ARHGAP10: variants seen among roughly 807,000 people sequenced by gnomAD.
ARHGAP10 encodes Rho GTPase activating protein 10, also known as rho GTPase-activating protein 10.
In ARHGAP10, 87 loss-of-function variants were observed where a neutral mutation model predicts 108.6. The observed-to-expected ratio is 0.80, with a 90% CI of 0.67 to 0.96. The LOEUF (loss-of-function observed/expected upper bound fraction) is 0.96, where lower values mean the gene tolerates loss of function less well. Ranked by LOEUF, ARHGAP10 falls within the 40% of genes least tolerant of loss-of-function variation. ARHGAP10 has a pLI of 0.00. For synonymous variants in ARHGAP10, 347 were observed against 341.1 expected (o/e 1.02, Z -0.19); for missense variants, 939 against 954.5 (o/e 0.98, Z 0.21).
chr4:147,944,729 T>G (rs908444066), intron 14 of ARHGAP10, among the ~76,000 whole-genome samples: 1 of 152,172 alleles, frequency 6.6e-6, no homozygotes, highest in Non-Finnish European at 1.5e-5. Flanking sequence ...GACATCATCG[T>G]GGAGTGAGGG....
At chr4:147,838,409 G>A in intron 3 of ARHGAP10, among the ~76,000 whole-genome samples, 1 of 151,998 alleles carries the variant, frequency 6.6e-6, no homozygotes, top group East Asian at 1.9e-4. Context: ...TTTCGAGGCT[G>A]TAGTGATCTG....
intron 1 of ARHGAP10, among the ~76,000 whole-genome samples, chr4:147,753,543 G>A (rs1397810927): frequency 6.7e-6 from 1 of 149,020 alleles, no homozygotes; most frequent in Non-Finnish European, 1.5e-5. Context: ...TAGTGGAGAT[G>A]GAGTTTCACC....
At chr4:147,743,077 A>G (rs1728756587) in intron 1 of ARHGAP10, among the ~76,000 whole-genome samples, 1 of 149,814 alleles carries the variant, frequency 6.7e-6, no homozygotes, top group African/African-American at 2.5e-5. Flanking sequence ...TCTGTCACCC[A>G]GGCTGCAGTG....
chr4:147,767,065 G>T (rs1344026689), intron 1 of ARHGAP10, among the ~76,000 whole-genome samples: 2 of 151,760 alleles, frequency 1.3e-5, no homozygotes, highest in Non-Finnish European at 2.9e-5. Flanking sequence ...TGGCCAGGCT[G>T]ATCTCAAACT....
At chr4:147,898,475 G>C (rs1225121616) in intron 10 of ARHGAP10, among the ~76,000 whole-genome samples, 1 of 145,094 alleles carries the variant, frequency 6.9e-6, no homozygotes, top group Non-Finnish European at 1.5e-5. Context: ...TTTTTGCCTT[G>C]CCCAGGGTTC....
chr4:147,742,686 A>C (rs1016063156), intron 1 of ARHGAP10, among the ~76,000 whole-genome samples: 6 of 151,628 alleles, frequency 4.0e-5, no homozygotes, highest in African/African-American at 1.5e-4. Flanking sequence ...GGGTTTCACC[A>C]TGTTTGCCAG....
At chr4:147,926,374 A>T (rs1180349316) in intron 13 of ARHGAP10, among the ~76,000 whole-genome samples, 2 of 152,078 alleles carry the variant, frequency 1.3e-5, no homozygotes, top group Non-Finnish European at 2.9e-5. Context: ...GGATAGGAAG[A>T]GAGACTTCGC....
rs764363473 is a variant in ARHGAP10 at position 147,857,680 on chromosome 4, G to A, written c.486+26G>A. On this transcript the variant is annotated intron_variant, in intron 5 of 22. Transcript: ENST00000336498. ...GTATAATTTTTTATTTTTCTGTTAC[G>A]TTTTCAAAATTTGATAAGCAATACA... 37 of 1,407,836 alleles carry A rather than the reference G, an allele frequency of 2.6e-5. No individual in the cohort carries two copies. In the East Asian group the frequency reaches 5.2e-4, roughly 20 times the overall value. 87.2% of individuals were successfully genotyped at this position (1,407,836 alleles called of 1,614,324 possible). A position where few individuals can be genotyped will look rare whatever the true frequency, so the allele number is the denominator to read the frequency against.
At chr4:148,063,676 C>T (rs909207639) in intron 21 of ARHGAP10, among the ~76,000 whole-genome samples, 1 of 152,204 alleles carries the variant, frequency 6.6e-6, no homozygotes, top group Non-Finnish European at 1.5e-5. Flanking sequence ...ATCCAGTGGC[C>T]AAGTCCATAG....
intron 18 of ARHGAP10, among the ~76,000 whole-genome samples, chr4:148,008,722 C>T (rs1741047653): frequency 6.6e-6 from 1 of 152,058 alleles, no homozygotes; most frequent in African/African-American, 2.4e-5. Flanking sequence ...AAAGTGTGAA[C>T]TGGGGTCACC....
intron 1 of ARHGAP10, among the ~76,000 whole-genome samples, chr4:147,748,807 C>T (rs765398743): frequency 4.4e-4 from 67 of 151,952 alleles, no homozygotes; most frequent in Non-Finnish European, 8.2e-4. Flanking sequence ...TTTCTAAAAA[C>T]AGGGTTGGGG....
chr4:147,950,225 A>G (rs1283633068), intron 15 of ARHGAP10, among the ~76,000 whole-genome samples: 1 of 152,192 alleles, frequency 6.6e-6, no homozygotes, highest in Admixed American at 6.5e-5. Flanking sequence ...ATTTTTAGCG[A>G]TGGAAAATGC....
At chr4:147,783,592 C>T (rs1310098208) in intron 1 of ARHGAP10, among the ~76,000 whole-genome samples, 1 of 145,404 alleles carries the variant, frequency 6.9e-6, no homozygotes, top group African/African-American at 2.5e-5. Flanking sequence ...TTATAGAACA[C>T]ATTAAATTGT....
chr4:147,878,380 C>T (rs1238815364), intron 8 of ARHGAP10, among the ~76,000 whole-genome samples: 2 of 152,210 alleles, frequency 1.3e-5, no homozygotes. Context: ...CAGGCGTGAG[C>T]CACTGCGCCT....
intron 18 of ARHGAP10, among the ~76,000 whole-genome samples, chr4:147,999,193 A>G (rs1740596374): frequency 6.6e-6 from 1 of 152,198 alleles, no homozygotes; most frequent in Non-Finnish European, 1.5e-5. Context: ...GGTAGTAAAG[A>G]GAGCTCACTA....
intron 22 of ARHGAP10, among the ~76,000 whole-genome samples, chr4:148,070,089 G>T (rs1041455539): frequency 1.3e-5 from 2 of 152,228 alleles, no homozygotes; most frequent in Non-Finnish European, 1.5e-5. Context: ...GGTGCTAGGT[G>T]CTGGGTCTCA....
At chr4:147,996,185 T>C (rs1740469153) in intron 18 of ARHGAP10, among the ~76,000 whole-genome samples, 2 of 152,194 alleles carry the variant, frequency 1.3e-5, no homozygotes, top group Admixed American at 6.5e-5. Flanking sequence ...TCCTCCTCTT[T>C]TCAGAGAAAG....
At chr4:147,839,384 C>T (rs1290629812) in intron 3 of ARHGAP10, among the ~76,000 whole-genome samples, 1 of 152,070 alleles carries the variant, frequency 6.6e-6, no homozygotes. Flanking sequence ...GTCAAAAACA[C>T]GTGGAATCCA....
chr4:147,927,766 G>T (rs1329354759), intron 13 of ARHGAP10, among the ~76,000 whole-genome samples: 1 of 152,196 alleles, frequency 6.6e-6, no homozygotes, highest in African/African-American at 2.4e-5. Flanking sequence ...CTAAGGGAAG[G>T]CGCAGAGGCT....
Sources: gnomAD v4.1 joint callset for allele counts (sites outside exome capture counted in the v4.1 genomes callset) on GRCh38, gnomAD v4.1.1 for gene constraint, MANE v1.5 for transcripts, NCBI Gene and HGNC (gene_info 2026-07-23, HGNC 2026-07-21) for gene names.